Variants in RAP1GDS1 observed in about 807,000 individuals in gnomAD.
RAP1GDS1 encodes the protein RAP1, GTP-GDP dissociation stimulator 1.
In RAP1GDS1, 35 loss-of-function variants were observed where a neutral mutation model predicts 71.1. The observed-to-expected ratio is 0.49, with a 90% CI of 0.38 to 0.65. RAP1GDS1 has a LOEUF of 0.65. RAP1GDS1 is among the 30% of genes least tolerant of loss of function. The pLI, the probability that RAP1GDS1 is intolerant of heterozygous loss-of-function variation, is 0.00. For missense variants in RAP1GDS1, 663 were observed against 706.1 expected (o/e 0.94, Z 0.69); for synonymous variants, 229 against 243.1 (o/e 0.94, Z 0.54).
At chr4:98,359,088 T>G (rs1234427577) in intron 4 of RAP1GDS1, among the ~76,000 whole-genome samples, 3 of 152,074 alleles carry the variant, frequency 2.0e-5, no homozygotes, top group African/African-American at 7.2e-5. Flanking sequence ...GCAGTAATTT[T>G]AATGAGTTTG....
At chr4:98,292,480 G>A (rs1200267162) in intron 1 of RAP1GDS1, among the ~76,000 whole-genome samples, 1 of 151,532 alleles carries the variant, frequency 6.6e-6, no homozygotes, top group Non-Finnish European at 1.5e-5. Flanking sequence ...GTGATAGGTT[G>A]ATGGGTGCAG....
chr4:98,435,451 G>A (rs1750999700), intron 13 of RAP1GDS1, among the ~76,000 whole-genome samples: 1 of 152,036 alleles, frequency 6.6e-6, no homozygotes, highest in Admixed American at 6.6e-5. Context: ...AAAATTGTAG[G>A]GAAGAGAAAA....
chr4:98,283,539 A>G (rs1051215929), intron 1 of RAP1GDS1, among the ~76,000 whole-genome samples: 1 of 152,170 alleles, frequency 6.6e-6, no homozygotes, highest in Admixed American at 6.6e-5. Flanking sequence ...ATAAAGAATA[A>G]TAGAAAATGA....
chr4:98,372,753 T>C (rs1740579854), intron 4 of RAP1GDS1, among the ~76,000 whole-genome samples: 1 of 152,128 alleles, frequency 6.6e-6, no homozygotes, highest in African/African-American at 2.4e-5. Flanking sequence ...AGTGCAATCA[T>C]GGCTCACTGT....
chr4:98,413,991 G>A (rs955930529), intron 7 of RAP1GDS1, among the ~76,000 whole-genome samples: 1 of 152,096 alleles, frequency 6.6e-6, no homozygotes, highest in African/African-American at 2.4e-5. Context: ...ATTTTTTCAT[G>A]TGTTTTTTGG....
At chr4:98,382,912 T>C (rs978299516) in intron 5 of RAP1GDS1, among the ~76,000 whole-genome samples, 1 of 151,666 alleles carries the variant, frequency 6.6e-6, no homozygotes, top group Non-Finnish European at 1.5e-5. Context: ...GTAAGGGGCA[T>C]TGAAAACACA....
At chr4:98,425,578 A>C (rs1436914312) in intron 12 of RAP1GDS1, among the ~76,000 whole-genome samples, 2 of 152,222 alleles carry the variant, frequency 1.3e-5, no homozygotes, top group African/African-American at 4.8e-5. Context: ...AGGAATAGCT[A>C]TCTTGTATCA....
chr4:98,350,037 GT>G (rs1736931706), intron 3 of RAP1GDS1, among the ~76,000 whole-genome samples: 1 of 152,034 alleles, frequency 6.6e-6, no homozygotes, highest in South Asian at 2.1e-4. Context: ...ATCTTTATAT[GT>G]TTTTGAGTAA....
chr4:98,392,099 C>A lies in RAP1GDS1; in HGVS notation c.637+19C>A. On this transcript the variant is annotated intron_variant, in intron 6 of 14. Transcript: ENST00000408927. ...GAACTTGGTAAGTCTTAGTCATGAACCACAAATGTAATTAACTTATTAATG... is the reference window on the plus strand; with the variant it reads ...GAACTTGGTAAGTCTTAGTCATGAAACACAAATGTAATTAACTTATTAATG... The A allele has an allele frequency of 6.3e-7, 1 of 1,595,226 alleles. No homozygotes were observed. Among genetic ancestry groups the A allele is most frequent in the South Asian group, 1.1e-5 (1 of 87,612 alleles).
chr4:98,430,931 T>C (rs961579021), intron 12 of RAP1GDS1, among the ~76,000 whole-genome samples: 5 of 152,210 alleles, frequency 3.3e-5, no homozygotes, highest in African/African-American at 1.2e-4. Context: ...CACTTTGCAG[T>C]GTATTCCTGT....
intron 2 of RAP1GDS1, among the ~76,000 whole-genome samples, chr4:98,304,981 T>G (rs1007138406): frequency 1.3e-5 from 2 of 152,026 alleles, no homozygotes; most frequent in Non-Finnish European, 2.9e-5. Context: ...TGGTTCTAGA[T>G]GTGTGGTCTT....
At chr4:98,282,174 A>G (rs1725213506) in intron 1 of RAP1GDS1, among the ~76,000 whole-genome samples, 1 of 152,210 alleles carries the variant, frequency 6.6e-6, no homozygotes, top group African/African-American at 2.4e-5. Context: ...GAATAGTTTC[A>G]GAAGGAATGG....
intron 4 of RAP1GDS1, among the ~76,000 whole-genome samples, chr4:98,360,031 A>G (rs1277455564): frequency 1.3e-5 from 2 of 152,126 alleles, no homozygotes; most frequent in African/African-American, 4.8e-5. Flanking sequence ...TGATCTTTCC[A>G]TTTTTGTACT....
intron 2 of RAP1GDS1, among the ~76,000 whole-genome samples, chr4:98,297,511 A>C (rs189885750): frequency 6.6e-6 from 1 of 152,134 alleles, no homozygotes; most frequent in Non-Finnish European, 1.5e-5. Context: ...CATTTCAGAC[A>C]TTATTATTAT....
At chr4:98,352,244 G>A (rs1737317128) in intron 3 of RAP1GDS1, among the ~76,000 whole-genome samples, 1 of 152,094 alleles carries the variant, frequency 6.6e-6, no homozygotes, top group Non-Finnish European at 1.5e-5. Flanking sequence ...GGTAGAGACT[G>A]TCAGCAAACA....
chr4:98,331,385 G>A (rs1217385537), intron 2 of RAP1GDS1, among the ~76,000 whole-genome samples: 1 of 150,590 alleles, frequency 6.6e-6, no homozygotes, highest in African/African-American at 2.5e-5. Flanking sequence ...AGAGAGAGAG[G>A]GAGAGGGAGA....
intron 4 of RAP1GDS1, among the ~76,000 whole-genome samples, chr4:98,357,745 TA>T (rs1738162096): frequency 6.6e-6 from 1 of 151,942 alleles, no homozygotes. Context: ...TACAAATTAA[TA>T]TAATTATAAA....
At chr4:98,365,230 C>T (rs986696488) in intron 4 of RAP1GDS1, among the ~76,000 whole-genome samples, 1 of 152,036 alleles carries the variant, frequency 6.6e-6, no homozygotes, top group African/African-American at 2.4e-5. Context: ...CCCAGTAAAC[C>T]AGCTAGACAA....
At chr4:98,439,374 A>T (rs888455075) in intron 14 of RAP1GDS1, among the ~76,000 whole-genome samples, 1 of 152,204 alleles carries the variant, frequency 6.6e-6, no homozygotes, top group African/African-American at 2.4e-5. Context: ...CAGAAGTTTA[A>T]CTATGATGTG....
Sources: allele counts gnomAD v4.1 joint callset (sites outside exome capture counted in the v4.1 genomes callset), GRCh38; gene constraint gnomAD v4.1.1; transcripts MANE v1.5; gene names NCBI Gene and HGNC (gene_info 2026-07-23, HGNC 2026-07-21).